Variants in PTPRD observed in about 807,000 individuals in gnomAD.
PTPRD encodes protein tyrosine phosphatase receptor type D, also known as receptor-type tyrosine-protein phosphatase delta.
Under a neutral mutation model 214.5 loss-of-function variants are expected in PTPRD, and 34 were observed. That is an observed-to-expected ratio of 0.16 (90% CI 0.12 to 0.21). PTPRD has a LOEUF of 0.21. Ranked by LOEUF, PTPRD falls within the 10% of genes least tolerant of loss-of-function variation. PTPRD has a pLI of 1.00. For missense variants in PTPRD, 2,545 were observed against 2,398.7 expected (o/e 1.06, Z -1.27); for synonymous variants, 1,128 against 845.7 (o/e 1.33, Z -5.79).
At chr9:9,326,470 A>T (rs6477390) in intron 9 of PTPRD, among the ~76,000 whole-genome samples, 1 of 151,854 alleles carries the variant, frequency 6.6e-6, no homozygotes, top group African/African-American at 2.4e-5. Context: ...AGATTCAGAG[A>T]CATTGGCTGA....
intron 4 of PTPRD, among the ~76,000 whole-genome samples, chr9:9,986,621 T>G (rs1393534943): frequency 1.3e-5 from 2 of 152,148 alleles, no homozygotes; most frequent in African/African-American, 4.8e-5. Context: ...TACCTAAATT[T>G]TTAGGTTGAA....
chr9:10,384,993 T>C (rs1363008247), intron 2 of PTPRD, among the ~76,000 whole-genome samples: 1 of 151,844 alleles, frequency 6.6e-6, no homozygotes, highest in Non-Finnish European at 1.5e-5. Context: ...ATGTTTATAA[T>C]GTAAATGGCT....
chr9:8,626,609 C>G (rs1210269301), intron 14 of PTPRD, among the ~76,000 whole-genome samples: 1 of 151,708 alleles, frequency 6.6e-6, no homozygotes, highest in African/African-American at 2.4e-5. Context: ...AAGCAGATTG[C>G]CCTCCCTAAT....
rs1588123268 is a variant in PTPRD at position 8,341,098 on chromosome 9, A to G, written c.5118T>C (p.Asp1706=). Residue 1706 remains aspartate, a synonymous_variant, in exon 41 of 46, where the codon GAT becomes GAC. Transcript: ENST00000381196. ...GSDYINASFI[D]GYRQQKAYIA... is the part of the protein sequence containing the mutation. ...GGAGCAAAAGTAGATACCTGTATCC[A>G]TCAATAAAACTGGCATTGATGTAAT... The G allele has an allele frequency of 1.2e-6, 2 of 1,609,408 alleles. No individual in the cohort carries two copies. Among genetic ancestry groups the G allele is most frequent in the East Asian group, 2.2e-5 (1 of 44,776 alleles).
At chr9:8,925,649 G>C (rs780136144) in intron 11 of PTPRD, among the ~76,000 whole-genome samples, 1 of 144,286 alleles carries the variant, frequency 6.9e-6, no homozygotes, top group African/African-American at 2.6e-5. Flanking sequence ...ACATCAACGT[G>C]ATATAAATAG....
At position 8,439,935 on chromosome 9, in the gene PTPRD, A is replaced by ATTTTTTTTTTTTTTTTTTTTTTTTT. The variant is rs1166530719; in HGVS notation, c.3989-3271_3989-3247dup. Among the ~76,000 whole-genome samples, 33 of 73,320 alleles carry ATTTTTTTTTTTTTTTTTTTTTTTTT rather than the reference A, an allele frequency of 4.5e-4. 5 individuals carry two copies. Among genetic ancestry groups the ATTTTTTTTTTTTTTTTTTTTTTTTT allele is most frequent in the East Asian group, 9.8e-4 (2 of 2,034 alleles). The allele number at this position is 73,320 out of a possible 152,430, so 48.1% of individuals were successfully genotyped here. A position where few individuals can be genotyped will look rare whatever the true frequency, so the allele number is the denominator to read the frequency against. ...CATTTAAATTACTTGATGTGCTTTA[A>ATTTTTTTTTTTTTTTTTTTTTTTTT]TTTTTTTTTTTTTTTTTTTTTTTTT... On this transcript the variant is annotated intron_variant, in intron 34 of 45. Transcript: ENST00000381196.
chr9:8,460,837 T>C (rs2096378049), intron 32 of PTPRD, among the ~76,000 whole-genome samples: 1 of 152,096 alleles, frequency 6.6e-6, no homozygotes, highest in Admixed American at 6.6e-5. Context: ...ACACTTTTTA[T>C]TGGGCTTTCT....
At chr9:9,402,971 A>C (rs2071342299) in intron 8 of PTPRD, among the ~76,000 whole-genome samples, 4 of 145,800 alleles carry the variant, frequency 2.7e-5, no homozygotes, top group Admixed American at 6.8e-5. Flanking sequence ...AGGGAGAAAA[A>C]AAAAAAAAAA....
chr9:8,770,010 G>A (rs370729069), intron 11 of PTPRD, among the ~76,000 whole-genome samples: 1 of 152,200 alleles, frequency 6.6e-6, no homozygotes, highest in South Asian at 2.1e-4. Flanking sequence ...GTCAGGCACG[G>A]TGGCTCATGC....
chr9:8,850,557 C>T lies in PTPRD; in HGVS notation c.-103-116611G>A, dbSNP rs117349561. ...AGTTGCCTCTTTTCTTCCCCCTCCCCGAGAAAAGCAAAAATGGTTACCTGG... is the reference window on the plus strand; with the variant it reads ...AGTTGCCTCTTTTCTTCCCCCTCCCTGAGAAAAGCAAAAATGGTTACCTGG... On this transcript the variant is annotated intron_variant, in intron 11 of 45. Coordinates refer to ENST00000381196, the MANE Select transcript of PTPRD (RefSeq NM_002839.4). Among the ~76,000 whole-genome samples the T allele has an allele frequency of 5.1e-4, 77 of 151,926 alleles. 1 individual carries two copies. In the East Asian group the frequency reaches 0.014, roughly 28 times the overall value.
At chr9:8,380,640 C>G (rs1477781562) in intron 37 of PTPRD, among the ~76,000 whole-genome samples, 30 of 152,136 alleles carry the variant, frequency 2.0e-4, no homozygotes, top group Admixed American at 2.0e-3. Context: ...TCATGACAAA[C>G]TATCAAAATC....
intron 9 of PTPRD, among the ~76,000 whole-genome samples, chr9:9,245,995 G>A (rs1348338939): frequency 6.6e-6 from 1 of 152,158 alleles, no homozygotes; most frequent in South Asian, 2.1e-4. Context: ...AAGATCCTAT[G>A]TGGCTGATCA....
At chr9:8,578,109 C>T (rs1159865875) in intron 14 of PTPRD, among the ~76,000 whole-genome samples, 1 of 152,162 alleles carries the variant, frequency 6.6e-6, no homozygotes, top group East Asian at 1.9e-4. Context: ...TCTTAGCATG[C>T]TATCGGTCTG....
intron 4 of PTPRD, among the ~76,000 whole-genome samples, chr9:9,959,276 A>G (rs2094178399): frequency 6.6e-6 from 1 of 152,202 alleles, no homozygotes; most frequent in Admixed American, 6.5e-5. Flanking sequence ...ATTATATATT[A>G]TTCTAGAAAA....
At chr9:10,535,109 G>C (rs2057429840) in intron 2 of PTPRD, among the ~76,000 whole-genome samples, 1 of 152,080 alleles carries the variant, frequency 6.6e-6, no homozygotes, top group South Asian at 2.1e-4. Context: ...GTCAGGAACT[G>C]ACTAATGTGA....
intron 5 of PTPRD, among the ~76,000 whole-genome samples, chr9:9,860,031 T>C (rs1185540973): frequency 6.6e-6 from 1 of 152,248 alleles, no homozygotes; most frequent in African/African-American, 2.4e-5. Context: ...TTGATTCTCC[T>C]GCATTATTTA....
At chr9:9,259,871 C>A (rs2099979332) in intron 9 of PTPRD, among the ~76,000 whole-genome samples, 1 of 151,822 alleles carries the variant, frequency 6.6e-6, no homozygotes, top group South Asian at 2.1e-4. Context: ...TCCTGAGCAT[C>A]TAGGGAAGAT....
At position 8,557,766 on chromosome 9, in the gene PTPRD, AAG is replaced by A. The variant is rs1178596599; in HGVS notation, c.353-28989_353-28988del. 1.5e-3 allele frequency among the ~76,000 whole-genome samples: 207 copies of A among 139,800 alleles called. 4 individuals carry two copies. Among genetic ancestry groups the A allele is most frequent in the African/African-American group, 5.3e-3 (189 of 35,634 alleles). The allele number at this position is 139,800 out of a possible 152,430, so 91.7% of individuals were successfully genotyped here. ...TCAATAAAAAAAAAAAAAAAAAAAA[AAG>A]AAAAACAAAATACACACACACACAC... On this transcript the variant is annotated intron_variant, in intron 14 of 45. Transcript: ENST00000381196.
intron 3 of PTPRD, among the ~76,000 whole-genome samples, chr9:10,062,341 G>A (rs958971400): frequency 2.0e-5 from 3 of 152,072 alleles, no homozygotes; most frequent in Admixed American, 6.6e-5. Flanking sequence ...GCAGTGGCTC[G>A]ATGCCTGTAA....
Sources: gnomAD v4.1 joint callset for allele counts (sites outside exome capture counted in the v4.1 genomes callset) on GRCh38, gnomAD v4.1.1 for gene constraint, MANE v1.5 for transcripts, NCBI Gene and HGNC (gene_info 2026-07-23, HGNC 2026-07-21) for gene names.